Variants in TLL2 observed in about 807,000 individuals in gnomAD.
TLL2 encodes tolloid like 2.
Under a neutral mutation model 123.0 loss-of-function variants are expected in TLL2, and 106 were observed. The ratio of observed to expected loss-of-function variants is 0.86; its 90% confidence interval spans 0.74 to 1.01. The LOEUF (loss-of-function observed/expected upper bound fraction) is 1.01. Among genes scored for constraint, TLL2 ranks in the 50% least tolerant of loss-of-function variants. The pLI is 0.00. For synonymous variants in TLL2, 494 were observed against 516.8 expected (o/e 0.96, Z 0.60); for missense variants, 1,332 against 1,336.7 (o/e 1.00, Z 0.06).
chr10:96,492,620 G>A lies in TLL2; in HGVS notation c.176-12161C>T, dbSNP rs182535245. Among the ~76,000 whole-genome samples the A allele has an allele frequency of 8.9e-4, 135 of 152,230 alleles. 1 individual carries two copies. Among genetic ancestry groups the A allele is most frequent in the African/African-American group, 3.1e-3 (129 of 41,546 alleles). On this transcript the variant is annotated intron_variant, in intron 1 of 20. Coordinates refer to ENST00000357947, the MANE Select transcript of TLL2 (RefSeq NM_012465.4). ...GCCTGGGCAACAAGAGCAAAACTCC[G>A]TCTTAAACAAACAAACAAAAATCAG...
At chr10:96,422,296 CA>C (rs1254816000) in intron 6 of TLL2, among the ~76,000 whole-genome samples, 4 of 150,568 alleles carry the variant, frequency 2.7e-5, no homozygotes, top group Non-Finnish European at 5.9e-5. Context: ...AGTTAGATTT[CA>C]ATGTCCTTTA....
In TLL2 at chr10:96,376,746, G is replaced by T; in HGVS notation, c.2394C>A (p.Ser798Arg). Residue 798 changes from serine to arginine, a missense_variant, in exon 18 of 21, where the codon AGC (serine) becomes AGA (arginine). By Grantham distance (110) the Ser-to-Arg change is moderately radical. Coordinates refer to ENST00000357947, the MANE Select transcript of TLL2 (RefSeq NM_012465.4). ...AGATGTTCCAGGTACACTCCCTCCG[G>T]CTGGGGTATTTGTCAGGCCAGTTGG... Reference protein sequence around the residue: ...ASPNWPDKYPSRRECTWNISS... With the variant: ...ASPNWPDKYPRRRECTWNISS... The T allele has an allele frequency of 6.2e-7, 1 of 1,605,860 alleles. No individual in the cohort carries two copies. Among genetic ancestry groups the T allele is most frequent in the Admixed American group, 1.7e-5 (1 of 58,668 alleles).
At chr10:96,476,026 G>C (rs190018222) in intron 2 of TLL2, among the ~76,000 whole-genome samples, 4 of 151,706 alleles carry the variant, frequency 2.6e-5, no homozygotes, top group Non-Finnish European at 5.9e-5. Flanking sequence ...GGAACAGTGA[G>C]TCCAATTAAC....
chr10:96,511,916 A>T (rs1025413307), intron 1 of TLL2, among the ~76,000 whole-genome samples: 2 of 152,128 alleles, frequency 1.3e-5, no homozygotes, highest in Non-Finnish European at 2.9e-5. Flanking sequence ...CCCTCTTTTC[A>T]GGGCCAGGCT....
chr10:96,489,171 G>A (rs1030784927), intron 1 of TLL2, among the ~76,000 whole-genome samples: 4 of 152,216 alleles, frequency 2.6e-5, no homozygotes, highest in African/African-American at 7.2e-5. Context: ...TGCTGCTGCA[G>A]GAGAGAAACC....
At chr10:96,436,720 C>T (rs1248323147) in intron 3 of TLL2, among the ~76,000 whole-genome samples, 1 of 151,066 alleles carries the variant, frequency 6.6e-6, no homozygotes, top group African/African-American at 2.4e-5. Flanking sequence ...GGGTCTGGCT[C>T]TGTCACCCAG....
At chr10:96,393,389 C>T (rs184302173) in intron 13 of TLL2, among the ~76,000 whole-genome samples, 6 of 152,354 alleles carry the variant, frequency 3.9e-5, no homozygotes, top group East Asian at 1.9e-4. Context: ...ACACTACACT[C>T]GGTGTATTGA....
chr10:96,432,037 G>C (rs930910029), intron 4 of TLL2, among the ~76,000 whole-genome samples: 12 of 152,260 alleles, frequency 7.9e-5, no homozygotes, highest in African/African-American at 2.9e-4. Flanking sequence ...GGCCAGGCAG[G>C]AGAGGGACAG....
At chr10:96,493,080 G>T (rs1437454717) in intron 1 of TLL2, among the ~76,000 whole-genome samples, 5 of 152,208 alleles carry the variant, frequency 3.3e-5, no homozygotes, top group Admixed American at 1.3e-4. Context: ...AGGGACTGAT[G>T]GTTCTGCAGC....
intron 20 of TLL2, among the ~76,000 whole-genome samples, chr10:96,368,652 C>T (rs1336783884): frequency 4.6e-5 from 7 of 152,174 alleles, no homozygotes; most frequent in Admixed American, 1.3e-4. Context: ...CATGAATCAC[C>T]GAGCTCCAGG....
intron 1 of TLL2, among the ~76,000 whole-genome samples, chr10:96,496,739 A>G (rs1224458384): frequency 2.0e-5 from 3 of 152,252 alleles, no homozygotes; most frequent in Middle Eastern, 3.2e-3. Flanking sequence ...AAAATTAGCC[A>G]CAAGATTGGT....
At chr10:96,427,905 C>A (rs954409756) in intron 5 of TLL2, among the ~76,000 whole-genome samples, 1 of 152,202 alleles carries the variant, frequency 6.6e-6, no homozygotes, top group Non-Finnish European at 1.5e-5. Flanking sequence ...AGCGATTCTC[C>A]TGTCTCAGCC....
rs1325453572 is a variant in TLL2, at chr10:96,366,082, T to C, written c.*2006A>G. ...TGGAGAAAGAACCATAACACCCATCTTAGGTTTCCCAGTTCCAGTTTCAAC... is the reference window on the plus strand; with the variant it reads ...TGGAGAAAGAACCATAACACCCATCCTAGGTTTCCCAGTTCCAGTTTCAAC... On this transcript the variant is annotated 3_prime_UTR_variant, in exon 21 of 21. Coordinates refer to ENST00000357947, the MANE Select transcript of TLL2 (RefSeq NM_012465.4). The C allele has an allele frequency of 1.3e-5, 2 of 152,250 alleles. No homozygotes were observed. Among genetic ancestry groups the C allele is most frequent in the Non-Finnish European group, 1.5e-5 (1 of 68,046 alleles). 9.4% of individuals were successfully genotyped at this position (152,250 alleles called of 1,614,324 possible). A position where few individuals can be genotyped will look rare whatever the true frequency, so the allele number is the denominator to read the frequency against.
intron 5 of TLL2, among the ~76,000 whole-genome samples, chr10:96,427,729 T>C (rs895245784): frequency 6.6e-6 from 1 of 152,234 alleles, no homozygotes; most frequent in Admixed American, 6.5e-5. Flanking sequence ...CTAGGTTGTT[T>C]TATTCAGTAA....
At chr10:96,484,987 T>C (rs926478049) in intron 1 of TLL2, among the ~76,000 whole-genome samples, 10 of 152,228 alleles carry the variant, frequency 6.6e-5, no homozygotes, top group Non-Finnish European at 1.0e-4. Flanking sequence ...CCTCACAGCA[T>C]TCATTTTTAT....
intron 5 of TLL2, among the ~76,000 whole-genome samples, chr10:96,424,802 A>G (rs1484485166): frequency 6.6e-6 from 1 of 151,978 alleles, no homozygotes; most frequent in Non-Finnish European, 1.5e-5. Flanking sequence ...AAAGTTTTTA[A>G]TGTTAGTATT....
At chr10:96,510,780 C>G (rs1209072139) in intron 1 of TLL2, among the ~76,000 whole-genome samples, 1 of 152,124 alleles carries the variant, frequency 6.6e-6, no homozygotes, top group African/African-American at 2.4e-5. Flanking sequence ...GGGCTAGAAC[C>G]AAAGATCATA....
At chr10:96,431,474 C>T (rs745508911) in intron 4 of TLL2, among the ~76,000 whole-genome samples, 1 of 152,154 alleles carries the variant, frequency 6.6e-6, no homozygotes, top group Non-Finnish European at 1.5e-5. Context: ...GTAGAGGTCA[C>T]AGAGCCACAG....
At chr10:96,378,830 G>C (rs984251935) in intron 17 of TLL2, 137 bp downstream of exon 17, 62 of 1,194,384 alleles carry the variant, frequency 5.2e-5, no homozygotes, top group Non-Finnish European at 6.4e-5. Flanking sequence ...CTCCCGCAAG[G>C]ACAGCAGTTG....
Sources: allele counts gnomAD v4.1 joint callset (sites outside exome capture counted in the v4.1 genomes callset), GRCh38; gene constraint gnomAD v4.1.1; transcripts MANE v1.5; gene names NCBI Gene and HGNC (gene_info 2026-07-23, HGNC 2026-07-21).